The following ZFP62 variants were observed in gnomAD, a reference collection of about 807,000 sequenced individuals.
ZFP62 encodes the protein zinc finger protein 62 homolog.
ZFP62 carries 44 observed loss-of-function variants against 56.4 expected under a neutral mutation model. That is an observed-to-expected ratio of 0.78 (90% CI 0.61 to 1.00). The LOEUF (loss-of-function observed/expected upper bound fraction) is 1.00. Ranked by LOEUF, ZFP62 falls within the 50% of genes least tolerant of loss-of-function variation. The pLI, the probability that ZFP62 is intolerant of heterozygous loss-of-function variation, is 0.00. For missense variants in ZFP62, 1,030 were observed against 1,085.7 expected (o/e 0.95, Z 0.72); for synonymous variants, 421 against 388.9 (o/e 1.08, Z -0.97).
intron 1 of ZFP62, among the ~76,000 whole-genome samples, chr5:180,858,208 G>T (rs1437022212): frequency 3.2e-5 from 4 of 126,384 alleles, no homozygotes; most frequent in African/African-American, 1.2e-4. Flanking sequence ...AGTAAGCTGA[G>T]ATTGTGCCAT....
chr5:180,839,403 T>A, the ZFP62 span, among the ~76,000 whole-genome samples: 3 of 152,162 alleles, frequency 2.0e-5, no homozygotes, highest in African/African-American at 7.2e-5. Flanking sequence ...TAGTTTAAAA[T>A]GGTTGTGTTC....
chr5:180,835,607 A>C, the ZFP62 span: 1 of 152,228 alleles, frequency 6.6e-6, no homozygotes, highest in African/African-American at 2.4e-5. Flanking sequence ...TGTGAGGTAA[A>C]AATGAGTTAA....
chr5:180,848,709 T>C lies in ZFP62; in HGVS notation c.*83A>G, dbSNP rs1000490947. 1 of 1,446,108 alleles carries C rather than the reference T, an allele frequency of 6.9e-7. No homozygotes were observed. Among genetic ancestry groups the C allele is most frequent in the Non-Finnish European group, 9.1e-7 (1 of 1,096,700 alleles). The allele number at this position is 1,446,108 out of a possible 1,614,324, so 89.6% of individuals were successfully genotyped here. ...ATGGTTTCATTTACACTGTGTAAAT[T>C]ACAAGCCATGACCCCCTACATTCTT... On this transcript the variant is annotated 3_prime_UTR_variant, in exon 2 of 2. Coordinates refer to ENST00000502412, the MANE Select transcript of ZFP62 (RefSeq NM_001172638.2).
rs1773605777 is a variant in ZFP62 at position 180,849,997 on chromosome 5, G to A, written c.1498C>T (p.Leu500Phe). ...CTACATTTATAGGGCTTCTCCCCAA[G>A]GTGGATTCCTTTGTGATTTTTAAGG... ...SSLKNHKGIH[L>F]GEKPYKCSYC... The change falls in exon 2 of 2, where the codon CTT becomes TTT. Residue 500 changes from leucine to phenylalanine, a missense_variant. Coordinates refer to ENST00000502412, the MANE Select transcript of ZFP62 (RefSeq NM_001172638.2). 1.9e-6 allele frequency: 3 copies of A among 1,551,524 alleles called. No individual in the cohort carries two copies. Among genetic ancestry groups the A allele is most frequent in the Non-Finnish European group, 2.6e-6 (3 of 1,146,946 alleles).
At chr5:180,857,954 A>T (rs983521923) in intron 1 of ZFP62, among the ~76,000 whole-genome samples, 1 of 152,060 alleles carries the variant, frequency 6.6e-6, no homozygotes, top group African/African-American at 2.4e-5. Flanking sequence ...ATGGAAGTTC[A>T]TAAGAAAAAA....
the ZFP62 span, chr5:180,830,977 G>C: frequency 6.6e-6 from 1 of 152,346 alleles, no homozygotes. Context: ...CTGTGCGGGC[G>C]GCAGCCTCCT....
chr5:180,856,309 G>C (rs1327455192), intron 1 of ZFP62, among the ~76,000 whole-genome samples: 2 of 152,078 alleles, frequency 1.3e-5, no homozygotes, highest in African/African-American at 4.8e-5. Flanking sequence ...AAAATAGATG[G>C]CTTGAAATGA....
downstream of ZFP62, among the ~76,000 whole-genome samples, chr5:180,846,149 C>T (rs565641885): frequency 1.3e-5 from 2 of 152,300 alleles, no homozygotes; most frequent in South Asian, 2.1e-4. Context: ...GGAGACCCCA[C>T]CATGTCTGGG....
chr5:180,841,320 C>CAT, the ZFP62 span, among the ~76,000 whole-genome samples: 8,649 of 149,786 alleles, frequency 0.058, 274 homozygotes, highest in Middle Eastern at 0.12. Context: ...TACATACACA[C>CAT]ATATATATAT....
At chr5:180,844,713 G>A (rs934013495), downstream of ZFP62, among the ~76,000 whole-genome samples, 5 of 152,278 alleles carry the variant, frequency 3.3e-5, no homozygotes, top group African/African-American at 1.2e-4. Flanking sequence ...TTTGTTTAGA[G>A]ACAATGGATT....
In ZFP62 at chr5:180,851,049, G is replaced by T; in HGVS notation, c.446C>A (p.Ser149Tyr). Residue 149 changes from serine (S) to tyrosine (Y), a missense_variant, in exon 2 of 2, where the codon TCC becomes TAC. By Grantham distance (144) the Ser-to-Tyr change is moderately radical. Coordinates refer to ENST00000502412, the MANE Select transcript of ZFP62 (RefSeq NM_001172638.2). ...AACAAGGCGGGAATTATATTTGAAG[G>T]ATTTCCCACATTCATCACATTTATG... is the stretch of plus-strand genomic sequence containing the variant. ...KLHKCDECGK[S>Y]FKYNSRLVQH... 1.9e-6 allele frequency: 3 copies of T among 1,551,650 alleles called. No homozygotes were observed. Among genetic ancestry groups the T allele is most frequent in the Non-Finnish European group, 2.6e-6 (3 of 1,147,000 alleles).
Position 180,850,905 on chromosome 5 carries a change from T to C in ZFP62, c.590A>G (p.Tyr197Cys). 1.3e-6 allele frequency: 2 copies of C among 1,565,206 alleles called. No individual in the cohort carries two copies. The highest frequency in any genetic ancestry group is 1.7e-6 in the Non-Finnish European group (2 of 1,155,176). Reference protein sequence around the residue: ...HKRIHTGEKPYKCEECGKAYM... With the variant: ...HKRIHTGEKPCKCEECGKAYM... The stretch of plus-strand genomic sequence containing the variant: ...GGCTTTCCCACATTCCTCACACTTG[T>C]ACGGCTTCTCCCCAGTGTGGATCCG... The change falls in exon 2 of 2, where the codon TAC (tyrosine) becomes TGC (cysteine). Residue 197 changes from tyrosine to cysteine, a missense_variant. Tyr to Cys is a radical substitution (Grantham distance 194, BLOSUM62 -2). Coordinates refer to ENST00000502412, the MANE Select transcript of ZFP62 (RefSeq NM_001172638.2).
intron 1 of ZFP62, chr5:180,860,844 A>C: frequency 7.1e-6 from 2 of 282,366 alleles, no homozygotes; most frequent in East Asian, 5.9e-5. Flanking sequence ...GGGTATTTTG[A>C]AGCGCTAATT....
At position 180,849,505 on chromosome 5, in the gene ZFP62, T is replaced by C. The variant is rs777644229; in HGVS notation, c.1990A>G (p.Lys664Glu). ...GGCCTCTCCCCAGTATGGATTCTTT[T>C]ATGAACTTTAAGGCTTGAGTTGTTT... ...FRNNSSLKVH[K>E]RIHTGERPYE... The change falls in exon 2 of 2, where the codon AAA (lysine) becomes GAA (glutamate). Residue 664 changes from lysine to glutamate, a missense_variant. Physicochemically the swap from Lys to Glu is moderately conservative, Grantham distance 56. Transcript: ENST00000502412. 9.7e-6 allele frequency: 15 copies of C among 1,552,172 alleles called. No homozygotes were observed. The East Asian group carries it at 2.9e-4, about 30-fold the overall frequency.
At chr5:180,826,962 A>G in the ZFP62 span, among the ~76,000 whole-genome samples, 34 of 152,178 alleles carry the variant, frequency 2.2e-4, no homozygotes, top group Admixed American at 6.5e-4. Flanking sequence ...ATGAGAAGAG[A>G]AATGGTCTTC....
intron 1 of ZFP62, among the ~76,000 whole-genome samples, chr5:180,859,521 TAAG>T (rs892250186): frequency 6.6e-6 from 1 of 152,222 alleles, no homozygotes; most frequent in African/African-American, 2.4e-5. Context: ...AATATAGAAA[TAAG>T]AATGAAAGGT....
the ZFP62 span, chr5:180,829,981 C>T: frequency 6.6e-6 from 1 of 152,182 alleles, no homozygotes; most frequent in African/African-American, 2.4e-5. Flanking sequence ...CACTTTACTT[C>T]AAGTGAAGTC....
chr5:180,853,852 T>C (rs1050567561), intron 1 of ZFP62, among the ~76,000 whole-genome samples: 2 of 152,186 alleles, frequency 1.3e-5, no homozygotes, highest in African/African-American at 2.4e-5. Flanking sequence ...GTTGATTTTG[T>C]TGGGCTCAGG....
In ZFP62 at chr5:180,850,916, C is replaced by T; in HGVS notation, c.579G>A (p.Gly193=). The T allele has an allele frequency of 6.4e-7, 1 of 1,563,994 alleles. No homozygotes were observed. The highest frequency in any genetic ancestry group is 8.7e-7 in the Non-Finnish European group (1 of 1,154,636). ...SLRVHKRIHT[G]EKPYKCEECG... is the part of the protein sequence containing the mutation. The stretch of plus-strand genomic sequence containing the variant: ...ATTCCTCACACTTGTACGGCTTCTC[C>T]CCAGTGTGGATCCGTTTGTGGACCC... The change falls in exon 2 of 2, where the codon GGG becomes GGA. Residue 193 remains glycine, a synonymous_variant. Transcript: ENST00000502412.
Sources: allele counts gnomAD v4.1 joint callset (sites outside exome capture counted in the v4.1 genomes callset), GRCh38; gene constraint gnomAD v4.1.1; transcripts MANE v1.5; gene names NCBI Gene and HGNC (gene_info 2026-07-23, HGNC 2026-07-21).